TRAPPC4: variants seen among roughly 807,000 people sequenced by gnomAD.
TRAPPC4 encodes trafficking protein particle complex subunit 4.
In TRAPPC4, 30 loss-of-function variants were observed where a neutral mutation model predicts 23.5. The ratio of observed to expected loss-of-function variants is 1.28; its 90% CI spans 0.96 to 1.73. The LOEUF (loss-of-function observed/expected upper bound fraction) is 1.73. TRAPPC4 is among the 40% of genes most tolerant of loss of function. The pLI is 0.00. For synonymous variants in TRAPPC4, 129 were observed against 105.3 expected, an observed-to-expected ratio of 1.23 and a Z score of -1.38; for missense variants, 252 against 268.9, an observed-to-expected ratio of 0.94 and a Z score of 0.44.
chr11:119,020,661 G>T, intron 3 of TRAPPC4: 1 of 158,930 alleles, frequency 6.3e-6, no homozygotes, highest in Non-Finnish European at 1.4e-5. Context: ...CTCCCAAAGT[G>T]TTGGGATTAC....
At chr11:119,021,546 T>G in intron 3 of TRAPPC4, 2 of 469,768 alleles carry the variant, frequency 4.3e-6, no homozygotes, top group East Asian at 7.9e-5. Flanking sequence ...AAGCCTGGTC[T>G]TAATCAGGTG....
chr11:119,019,269 C>G lies in TRAPPC4; in HGVS notation c.302C>G (p.Pro101Arg). 1 of 1,614,170 alleles carries G rather than the reference C, an allele frequency of 6.2e-7. No individual in the cohort carries two copies. Reference sequence around the variant, plus strand: ...CCGGTGTCCATTCGATTTGGCCGGCCCCGCCTCACTTCTAATGAGAAGCTT... The same window carrying G: ...CCGGTGTCCATTCGATTTGGCCGGCGCCGCCTCACTTCTAATGAGAAGCTT... ...NYPVSIRFGR[P>R]RLTSNEKLML... Residue 101 changes from proline (P) to arginine (R), a missense_variant, in exon 2 of 5, where the codon CCC (proline) becomes CGC (arginine). Transcript: ENST00000533632.
intron 4 of TRAPPC4, chr11:119,022,957 G>GTTT (rs71048033): frequency 0.07 from 5,962 of 84,578 alleles, 689 homozygotes; most frequent in Admixed American, 0.15. Flanking sequence ...TTTTGTTGAT[G>GTTT]TTTTTTTTTT....
chr11:119,019,027 G>T, intron 1 of TRAPPC4, 57 bp downstream of exon 1: 1 of 1,594,962 alleles, frequency 6.3e-7, no homozygotes, highest in Non-Finnish European at 8.6e-7. Flanking sequence ...CAGTGCTGTA[G>T]AAGTGGGCTG....
At position 119,018,887 on chromosome 11, in the gene TRAPPC4, C is replaced by T; in HGVS notation, c.92C>T (p.Thr31Ile). Reference sequence around the variant, plus strand: ...GCGCCACGGGCTGAGGCTGAGAAAACTTTCAGTTATCCGCTGGATCTGCTG... The same window carrying T: ...GCGCCACGGGCTGAGGCTGAGAAAATTTTCAGTTATCCGCTGGATCTGCTG... The part of the protein sequence containing the change: ...SYAPRAEAEK[T>I]FSYPLDLLLK... The change falls in exon 1 of 5, where the codon ACT becomes ATT. Residue 31 changes from threonine (T) to isoleucine (I), a missense_variant. By Grantham distance (89) the Thr-to-Ile change is moderately conservative. Transcript: ENST00000533632. 6.2e-7 allele frequency: 1 copy of T among 1,614,186 alleles called. No individual in the cohort carries two copies. Among genetic ancestry groups the T allele is most frequent in the Non-Finnish European group, 8.5e-7 (1 of 1,180,038 alleles).
At position 119,020,184 on chromosome 11, in the gene TRAPPC4, C is replaced by G. The variant is rs781933984; in HGVS notation, c.385C>G (p.Gln129Glu). The G allele has an allele frequency of 6.2e-7, 1 of 1,613,978 alleles. No individual in the cohort carries two copies. ...FAIGSQLSPEQGSSGIEMLET... is the reference protein window; with the variant it reads ...FAIGSQLSPEEGSSGIEMLET... ...CATCGGCTCCCAGCTGTCTCCTGAA[C>G]AGGGAAGCTCAGGCATTGAGATGCT... The change falls in exon 3 of 5, where the codon CAG becomes GAG. Residue 129 changes from glutamine to glutamate, a missense_variant. Gln to Glu is a conservative substitution (Grantham distance 29). Transcript: ENST00000533632.
intron 3 of TRAPPC4, 130 bp downstream of exon 3, chr11:119,020,383 A>C (rs1592098114): frequency 1.5e-6 from 1 of 654,048 alleles, no homozygotes. Context: ...GACCAAAGAC[A>C]CCTTTGGTAA....
chr11:119,021,674 C>T (rs1291798560), intron 3 of TRAPPC4, 86 bp from the exon 4 acceptor site: 7 of 1,486,740 alleles, frequency 4.7e-6, no homozygotes, highest in Non-Finnish European at 4.6e-6. Flanking sequence ...AAGTGTTTTG[C>T]AAAATTGAAA....
intron 2 of TRAPPC4, 98 bp downstream of exon 2, chr11:119,019,415 T>C: frequency 1.5e-6 from 2 of 1,335,866 alleles, no homozygotes; most frequent in South Asian, 1.4e-5. Context: ...GATCCAGATC[T>C]AGATTTTAGG....
At chr11:119,021,735 G>A in intron 3 of TRAPPC4, 25 bp from the exon 4 acceptor site, 1 of 1,613,334 alleles carries the variant, frequency 6.2e-7, no homozygotes, top group East Asian at 2.2e-5. Context: ...CTACGCTTTG[G>A]TAACCATTCT....
chr11:119,020,239 A>T lies in TRAPPC4; in HGVS notation c.440A>T (p.Tyr147Phe). 6.2e-7 allele frequency: 1 copy of T among 1,613,088 alleles called. No individual in the cohort carries two copies. The highest frequency in any genetic ancestry group is 8.5e-7 in the Non-Finnish European group (1 of 1,179,654). Residue 147 changes from tyrosine to phenylalanine, a missense_variant, in exon 3 of 5, where the codon TAC (tyrosine) becomes TTC (phenylalanine). Coordinates refer to ENST00000533632, the MANE Select transcript of TRAPPC4 (RefSeq NM_016146.6). The stretch of plus-strand genomic sequence containing the variant: ...ACAGACACATTCAAATTGCACTGCT[A>T]CCAGACACTGACAGGTATGCATCTC... ...LETDTFKLHC[Y>F]QTLTGIKFVV... is the part of the protein sequence containing the mutation.
Position 119,023,743 on chromosome 11 carries a change from G to A in TRAPPC4, c.*344G>A, listed in dbSNP as rs1592105845. 1 of 181,176 alleles carries A rather than the reference G, an allele frequency of 5.5e-6. No individual in the cohort carries two copies. The highest frequency in any genetic ancestry group is 1.2e-5 in the Non-Finnish European group (1 of 86,430). 11.2% of individuals were successfully genotyped at this position (181,176 alleles called of 1,614,324 possible). A position where few individuals can be genotyped will look rare whatever the true frequency, so the allele number is the denominator to read the frequency against. ...GTCAAAAATGGTTAGGGAATTCTGGGAAGATGATTATGTGCTAGTAAAAAA... is the reference window on the plus strand; with the variant it reads ...GTCAAAAATGGTTAGGGAATTCTGGAAAGATGATTATGTGCTAGTAAAAAA... On this transcript the variant is annotated 3_prime_UTR_variant, in exon 5 of 5. Coordinates refer to ENST00000533632, the MANE Select transcript of TRAPPC4 (RefSeq NM_016146.6).
At chr11:119,019,378 C>T in intron 2 of TRAPPC4, 61 bp downstream of exon 2, 3 of 1,539,334 alleles carry the variant, frequency 1.9e-6, no homozygotes, top group East Asian at 4.5e-5. Flanking sequence ...CTTAAATCGT[C>T]GTTCTGGTGT....
In TRAPPC4 at chr11:119,023,720, CAA is replaced by C. The variant is rs1260359053; in HGVS notation, c.*325_*326del. On this transcript the variant is annotated 3_prime_UTR_variant, in exon 5 of 5. Coordinates refer to ENST00000533632, the MANE Select transcript of TRAPPC4 (RefSeq NM_016146.6). The stretch of plus-strand genomic sequence containing the variant: ...TGGGGGAAAGATACAGGAAGTGAGT[CAA>C]AAATGGTTAGGGAATTCTGGGAAGA... 20 of 196,682 alleles carry C rather than the reference CAA, an allele frequency of 1.0e-4. 1 individual carries two copies. In the East Asian group the frequency reaches 2.2e-3, roughly 21 times the overall value. The allele number at this position is 196,682 out of a possible 1,614,324, so 12.2% of individuals were successfully genotyped here. A position where few individuals can be genotyped will look rare whatever the true frequency, so the allele number is the denominator to read the frequency against.
chr11:119,023,580 A>C lies in TRAPPC4; in HGVS notation c.*181A>C. ...TGTGCTCTTTCCTTCTGTATATACC[A>C]TGGTCTTACTTTCCAACTCTGTACA... On this transcript the variant is annotated 3_prime_UTR_variant, in exon 5 of 5. Coordinates refer to ENST00000533632, the MANE Select transcript of TRAPPC4 (RefSeq NM_016146.6). 2 of 538,594 alleles carry C rather than the reference A, an allele frequency of 3.7e-6. No individual in the cohort carries two copies. The highest frequency in any genetic ancestry group is 3.4e-6 in the Non-Finnish European group (1 of 295,922). The allele number at this position is 538,594 out of a possible 1,614,324, so 33.4% of individuals were successfully genotyped here.
intron 3 of TRAPPC4, chr11:119,021,285 T>C (rs1943352300): frequency 6.5e-6 from 1 of 153,692 alleles, no homozygotes; most frequent in South Asian, 2.0e-4. Context: ...CCACCCAGCA[T>C]GTTCAGCAGA....
Position 119,019,273 on chromosome 11 carries a change from C to T in TRAPPC4, c.306C>T (p.Arg102=). 6.2e-7 allele frequency: 1 copy of T among 1,614,186 alleles called. No homozygotes were observed. Residue 102 remains arginine, a synonymous_variant, in exon 2 of 5, where the codon CGC becomes CGT. Transcript: ENST00000533632. ...TGTCCATTCGATTTGGCCGGCCCCG[C>T]CTCACTTCTAATGAGAAGCTTATGC... ...YPVSIRFGRP[R]LTSNEKLMLA...
chr11:119,019,837 T>C (rs187517491), intron 2 of TRAPPC4: 91 of 241,458 alleles, frequency 3.8e-4, no homozygotes, highest in African/African-American at 1.2e-3. Flanking sequence ...TTTAAACTTT[T>C]TCTGCTCTCA....
intron 4 of TRAPPC4, among the ~76,000 whole-genome samples, chr11:119,022,125 G>C (rs61179449): frequency 0.26 from 38,991 of 152,002 alleles, 5,435 homozygotes; most frequent in African/African-American, 0.36. Flanking sequence ...GCTGGGATTG[G>C]ATGCATGTGC....
Sources: gnomAD v4.1 joint callset for allele counts (sites outside exome capture counted in the v4.1 genomes callset) on GRCh38, gnomAD v4.1.1 for gene constraint, MANE v1.5 for transcripts, NCBI Gene and HGNC (gene_info 2026-07-23, HGNC 2026-07-21) for gene names.